Variants in RBFOX3 observed in about 807,000 individuals in gnomAD.
RBFOX3 encodes the protein RNA binding fox-1 homolog 3, also known as RNA binding protein fox-1 homolog 3.
A neutral mutation model predicts 48.7 loss-of-function variants in RBFOX3; 17 were observed. The ratio of observed to expected loss-of-function variants is 0.35; its 90% CI spans 0.24 to 0.52. The LOEUF is 0.52. RBFOX3 is among the 20% of genes least tolerant of loss of function. RBFOX3 has a pLI of 0.94. For synonymous variants in RBFOX3, 212 were observed against 209.5 expected, an observed-to-expected ratio of 1.01 and a Z score of -0.10; for missense variants, 382 against 497.5, an observed-to-expected ratio of 0.77 and a Z score of 2.21.
Position 79,463,717 on chromosome 17 carries a change from C to T in RBFOX3, c.-175+18737G>A, listed in dbSNP as rs559556868. Reference sequence around the variant, plus strand: ...CTGCCATCACCACTGCCACCTCCACCGCCACTGCCACCTCCACCGCCATCA... The same window carrying T: ...CTGCCATCACCACTGCCACCTCCACTGCCACTGCCACCTCCACCGCCATCA... On this transcript the variant is annotated intron_variant, in intron 2 of 14. Coordinates refer to ENST00000693108, the MANE Select transcript of RBFOX3 (RefSeq NM_001350451.2). 1.0e-4 allele frequency among the ~76,000 whole-genome samples: 15 copies of T among 145,614 alleles called. 1 individual carries two copies. In the South Asian group the frequency reaches 2.7e-3, roughly 26 times the overall value.
intron 2 of RBFOX3, among the ~76,000 whole-genome samples, chr17:79,389,217 G>A (rs1598480313): frequency 1.3e-5 from 2 of 152,166 alleles, no homozygotes; most frequent in African/African-American, 2.4e-5. Flanking sequence ...CCAAACCTCG[G>A]GTCACTCACC....
At chr17:79,452,597 A>T (rs1219145151) in intron 2 of RBFOX3, among the ~76,000 whole-genome samples, 1 of 152,138 alleles carries the variant, frequency 6.6e-6, no homozygotes, top group Non-Finnish European at 1.5e-5. Flanking sequence ...GGGAAAGGGA[A>T]GTTAGGGCCA....
intron 1 of RBFOX3, among the ~76,000 whole-genome samples, chr17:79,572,725 C>T (rs970033209): frequency 1.5e-4 from 23 of 152,264 alleles, no homozygotes; most frequent in African/African-American, 4.1e-4. Flanking sequence ...TGCAAACGTG[C>T]GTGTTTCCCA....
chr17:79,138,288 C>T (rs1365082122), intron 4 of RBFOX3, among the ~76,000 whole-genome samples: 1 of 152,164 alleles, frequency 6.6e-6, no homozygotes, highest in African/African-American at 2.4e-5. Flanking sequence ...TGCATACACA[C>T]AGTACACACT....
intron 2 of RBFOX3, among the ~76,000 whole-genome samples, chr17:79,440,156 G>C (rs1226577030): frequency 2.6e-5 from 4 of 152,146 alleles, no homozygotes; most frequent in Non-Finnish European, 5.9e-5. Context: ...CAGCCTTACC[G>C]AACAGAGATA....
Position 79,471,476 on chromosome 17 carries a change from G to A in RBFOX3, c.-175+10978C>T, listed in dbSNP as rs2077055451. On this transcript the variant is annotated intron_variant, in intron 2 of 14. Coordinates refer to ENST00000693108, the MANE Select transcript of RBFOX3 (RefSeq NM_001350451.2). This position sits in a 1 kb window ranked among gnomAD's most constrained non-coding sequence, Gnocchi z 4.0. ...CACAGACAAGAGACAATATTCAAAC[G>A]CCACCTCTGGTCACCCCTGGCCTGA... Among the ~76,000 whole-genome samples the A allele has an allele frequency of 2.0e-5, 3 of 152,050 alleles. No individual in the cohort carries two copies. The highest frequency in any genetic ancestry group is 2.1e-4 in the South Asian group (1 of 4,814).
At chr17:79,618,626 T>C in the RBFOX3 span, among the ~76,000 whole-genome samples, 1 of 152,004 alleles carries the variant, frequency 6.6e-6, no homozygotes, top group Non-Finnish European at 1.5e-5. Context: ...GCCGGCGGAG[T>C]GCACATCCGT....
the RBFOX3 span, among the ~76,000 whole-genome samples, chr17:79,624,605 C>T: frequency 7.6e-3 from 1,159 of 152,234 alleles, 54 homozygotes; most frequent in East Asian, 0.15. Context: ...CACCCTGGTG[C>T]CTAGCACCAC....
At chr17:79,425,704 G>A (rs1027876550) in intron 2 of RBFOX3, among the ~76,000 whole-genome samples, 18 of 152,298 alleles carry the variant, frequency 1.2e-4, no homozygotes, top group South Asian at 8.3e-4. Flanking sequence ...GGAGGGCCAC[G>A]AATTCCGACT....
intron 4 of RBFOX3, among the ~76,000 whole-genome samples, chr17:79,197,991 C>A (rs537999127): frequency 6.6e-6 from 1 of 152,150 alleles, no homozygotes; most frequent in Admixed American, 6.5e-5. Context: ...GACTGCGGCG[C>A]GTGCTTCTGA....
chr17:79,387,456 T>C (rs910054166), intron 2 of RBFOX3, among the ~76,000 whole-genome samples: 6 of 152,262 alleles, frequency 3.9e-5, no homozygotes, highest in African/African-American at 1.4e-4. Flanking sequence ...CAACCTCAGC[T>C]TTCCGGCAGG....
At chr17:79,649,631 G>A in the RBFOX3 span, among the ~76,000 whole-genome samples, 1 of 152,192 alleles carries the variant, frequency 6.6e-6, no homozygotes, top group Non-Finnish European at 1.5e-5. Context: ...ACTTGAACCT[G>A]GGAGGCGGAG....
intron 3 of RBFOX3, among the ~76,000 whole-genome samples, chr17:79,296,966 T>G (rs67984133): frequency 0.33 from 41,045 of 124,992 alleles, 6,778 homozygotes; most frequent in African/African-American, 0.47. Context: ...CATCCTCTCC[T>G]CCTCCCTCTC....
intron 1 of RBFOX3, among the ~76,000 whole-genome samples, chr17:79,500,214 C>T (rs2082201071): frequency 6.6e-6 from 1 of 151,662 alleles, no homozygotes; most frequent in African/African-American, 2.4e-5. Context: ...AGCCAACTCC[C>T]AACGACACAG....
chr17:79,406,107 G>A (rs1208085860), intron 2 of RBFOX3, among the ~76,000 whole-genome samples: 3 of 152,180 alleles, frequency 2.0e-5, no homozygotes, highest in Non-Finnish European at 4.4e-5. Flanking sequence ...TGTTTGGGCT[G>A]TTTCCATTTC....
At chr17:79,393,503 C>T (rs1467604461) in intron 2 of RBFOX3, among the ~76,000 whole-genome samples, 2 of 152,370 alleles carry the variant, frequency 1.3e-5, no homozygotes, top group South Asian at 2.1e-4. Flanking sequence ...GGCTCCTGGT[C>T]GGCAATCTGC....
At chr17:79,544,975 C>CAAAAAAAAAAAAAAAAAAA in intron 1 of RBFOX3, among the ~76,000 whole-genome samples, 1 of 81,642 alleles carries the variant, frequency 1.2e-5, no homozygotes, top group Non-Finnish European at 2.5e-5. Context: ...TCATTAAGGG[C>CAAAAAAAAAAAAAAAAAAA]AAAAAAAAAA....
At chr17:79,322,246 C>T (rs1375259080) in intron 2 of RBFOX3, among the ~76,000 whole-genome samples, 1 of 120,464 alleles carries the variant, frequency 8.3e-6, no homozygotes, top group African/African-American at 3.1e-5. Context: ...AGAGGGGCAC[C>T]TCAGGAAAGA....
rs1227002504 is a variant in RBFOX3, at chr17:79,480,032, G to T, written c.-175+2422C>A. Among the ~76,000 whole-genome samples the T allele has an allele frequency of 4.6e-5, 7 of 152,220 alleles. No homozygotes were observed. Among genetic ancestry groups the T allele is most frequent in the Non-Finnish European group, 1.0e-4 (7 of 68,042 alleles). On this transcript the variant is annotated intron_variant, in intron 2 of 14. Coordinates refer to ENST00000693108, the MANE Select transcript of RBFOX3 (RefSeq NM_001350451.2). The surrounding 1 kb of genome is among the most constrained non-coding windows in gnomAD (Gnocchi z 4.8). ...CTGCAAGCACAGTGATCTTGGCACA[G>T]AGCGACCTGACCAGGAGCCGTAGTG...
Sources: allele counts gnomAD v4.1 joint callset (sites outside exome capture counted in the v4.1 genomes callset), GRCh38; gene constraint gnomAD v4.1.1; non-coding constraint Gnocchi (gnomAD v3.1); transcripts MANE v1.5; gene names NCBI Gene and HGNC (gene_info 2026-07-23, HGNC 2026-07-21).